Variants in FSHR observed in about 807,000 individuals in gnomAD.
FSHR encodes the protein follicle stimulating hormone receptor, also known as follicle-stimulating hormone receptor.
Under a neutral mutation model 52.1 loss-of-function variants are expected in FSHR, and 46 were observed. That is an observed-to-expected ratio of 0.88 (90% CI 0.70 to 1.13). FSHR has a LOEUF of 1.13. Ranked by LOEUF, FSHR falls within the 50% of genes most tolerant of loss-of-function variation. The pLI is 0.00. For synonymous variants in FSHR, 399 were observed against 309.6 expected (o/e 1.29, Z -3.03); for missense variants, 964 against 834.6 (o/e 1.16, Z -1.91).
At chr2:49,073,649 C>G (rs1337556332) in intron 1 of FSHR, among the ~76,000 whole-genome samples, 1 of 151,826 alleles carries the variant, frequency 6.6e-6, no homozygotes, top group African/African-American at 2.4e-5. Flanking sequence ...CAATGCAATC[C>G]CTATCAAAAT....
chr2:48,986,367 A>C (rs952076571), intron 6 of FSHR, among the ~76,000 whole-genome samples: 1 of 149,146 alleles, frequency 6.7e-6, no homozygotes, highest in Non-Finnish European at 1.5e-5. Flanking sequence ...AGAATACTTC[A>C]ACAGTCATCA....
chr2:49,072,352 A>G (rs1280285398), intron 1 of FSHR, among the ~76,000 whole-genome samples: 1 of 152,144 alleles, frequency 6.6e-6, no homozygotes, highest in Admixed American at 6.6e-5. Flanking sequence ...CAACATGTCA[A>G]ACTCATTGGA....
rs990775179 is a variant in FSHR at position 49,067,200 on chromosome 2, A to G, written c.224+1019T>C. On this transcript the variant is annotated intron_variant, in intron 2 of 9. Coordinates refer to ENST00000406846, the MANE Select transcript of FSHR (RefSeq NM_000145.4). ...AGGTTATGCAGTAATTTTATATTAA[A>G]ACTAGCACTGAAACCAGGATTCTGA... 2.6e-5 allele frequency among the ~76,000 whole-genome samples: 4 copies of G among 152,108 alleles called. No homozygotes were observed. In the East Asian group the frequency reaches 5.8e-4, roughly 22 times the overall value.
chr2:49,093,317 A>C lies in FSHR; in HGVS notation c.153-25027T>G, dbSNP rs375695645. ...TTAAAACGTCCAAATAGAGGTGTAC[A>C]TGTGTCTATTCCTCATTTCAGTTGT... On this transcript the variant is annotated intron_variant, in intron 1 of 9. Transcript: ENST00000406846. Among the ~76,000 whole-genome samples the C allele has an allele frequency of 1.7e-3, 262 of 152,306 alleles. No homozygotes were observed. The Middle Eastern group carries it at 0.02, about 12-fold the overall frequency.
chr2:49,104,342 C>G (rs1671149593), intron 1 of FSHR, among the ~76,000 whole-genome samples: 1 of 152,064 alleles, frequency 6.6e-6, no homozygotes, highest in Non-Finnish European at 1.5e-5. Context: ...ATAGGTGATG[C>G]CACAGAGAGG....
rs189856787 is a variant in FSHR, at chr2:48,978,295, A to C, written c.668+4617T>G. 9.8e-5 allele frequency among the ~76,000 whole-genome samples: 15 copies of C among 152,354 alleles called. No homozygotes were observed. In the East Asian group the frequency reaches 2.9e-3, roughly 29 times the overall value. ...CCAGCAAAGATGTTATTACAGGTCA[A>C]TCATTTCCATAAGTGAGAGCACATT... is the stretch of plus-strand genomic sequence containing the variant. On this transcript the variant is annotated intron_variant, in intron 8 of 9. Transcript: ENST00000406846.
intron 6 of FSHR, among the ~76,000 whole-genome samples, chr2:48,985,227 T>C (rs1675441550): frequency 6.6e-6 from 1 of 152,202 alleles, no homozygotes; most frequent in South Asian, 2.1e-4. Context: ...GAGGCCAGTG[T>C]GCTCACTCAG....
At chr2:49,061,712 ATAAC>A (rs1229351600) in intron 2 of FSHR, among the ~76,000 whole-genome samples, 1 of 141,232 alleles carries the variant, frequency 7.1e-6, no homozygotes, top group East Asian at 2.0e-4. Flanking sequence ...TATATTATAT[ATAAC>A]TATATATAAA....
chr2:49,120,776 T>C (rs1407042719), intron 1 of FSHR, among the ~76,000 whole-genome samples: 1 of 152,244 alleles, frequency 6.6e-6, no homozygotes, highest in African/African-American at 2.4e-5. Context: ...AAAAGTTGTT[T>C]TAAAAGAGCT....
intron 1 of FSHR, among the ~76,000 whole-genome samples, chr2:49,112,964 C>A (rs1284826287): frequency 6.6e-6 from 1 of 152,000 alleles, no homozygotes; most frequent in African/African-American, 2.4e-5. Flanking sequence ...AAAAGAAAAG[C>A]CTCCATGAAT....
chr2:49,100,979 C>A (rs11898430), intron 1 of FSHR, among the ~76,000 whole-genome samples: 69,607 of 151,836 alleles, frequency 0.46, 16,206 homozygotes, highest in East Asian at 0.54. Flanking sequence ...TTTTTAAAAG[C>A]CTAGTGATAA....
At chr2:49,035,888 G>C (rs181972442) in intron 2 of FSHR, among the ~76,000 whole-genome samples, 1 of 152,320 alleles carries the variant, frequency 6.6e-6, no homozygotes, top group Admixed American at 6.5e-5. Flanking sequence ...TAGAGCTGTA[G>C]ATAGGTATTT....
chr2:49,147,829 G>A (rs1181465072), intron 1 of FSHR, among the ~76,000 whole-genome samples: 1 of 151,736 alleles, frequency 6.6e-6, no homozygotes, highest in East Asian at 1.9e-4. Flanking sequence ...CACAAAAGTA[G>A]GTGCAGGATT....
At position 48,963,267 on chromosome 2, in the gene FSHR, C is replaced by A. The variant is rs765311964; in HGVS notation, c.1554G>T (p.Leu518=). 1.2e-6 allele frequency: 2 copies of A among 1,614,152 alleles called. No individual in the cohort carries two copies. Among genetic ancestry groups the A allele is most frequent in the South Asian group, 1.1e-5 (1 of 91,054 alleles). The change falls in exon 10 of 10, where the codon CTG becomes CTT. Residue 518 remains leucine (L), a synonymous_variant. Coordinates refer to ENST00000406846, the MANE Select transcript of FSHR (RefSeq NM_000145.4). ...ACAAAGGGCTGTCAATATCCATGGG[C>A]AGGCAGATGCTCACCTTCATGTAGC... ...ISSYMKVSIC[L]PMDIDSPLSQ... is the part of the protein sequence containing the mutation.
chr2:48,975,478 G>A (rs564814415), intron 8 of FSHR, among the ~76,000 whole-genome samples: 30 of 152,222 alleles, frequency 2.0e-4, no homozygotes, highest in African/African-American at 4.8e-4. Context: ...ACACAGGCAC[G>A]TCAGGCCTCT....
intron 1 of FSHR, among the ~76,000 whole-genome samples, chr2:49,092,196 G>A (rs941068752): frequency 9.2e-5 from 14 of 152,116 alleles, no homozygotes; most frequent in African/African-American, 2.9e-4. Context: ...CAAATAAAAA[G>A]AATTTTTACA....
intron 4 of FSHR, 71 bp downstream of exon 4, chr2:49,017,418 G>A (rs1190621950): frequency 8.6e-7 from 1 of 1,159,022 alleles, no homozygotes; most frequent in Non-Finnish European, 1.3e-6. Context: ...AGAGTATCAA[G>A]TAGGCCTTTT....
Position 48,983,089 on chromosome 2 carries a change from G to T in FSHR, c.593+9C>A. Reference sequence around the variant, plus strand: ...TAAATGGCCTTGAAGAATAGTCAGGGCTACTTACAGCTCATCTAGTTGGGT... The same window carrying T: ...TAAATGGCCTTGAAGAATAGTCAGGTCTACTTACAGCTCATCTAGTTGGGT... On this transcript the variant is annotated intron_variant, in intron 7 of 9. Transcript: ENST00000406846. 1 of 1,613,480 alleles carries T rather than the reference G, an allele frequency of 6.2e-7. No homozygotes were observed.
At chr2:49,054,653 G>C (rs570086441) in intron 2 of FSHR, among the ~76,000 whole-genome samples, 1 of 152,172 alleles carries the variant, frequency 6.6e-6, no homozygotes, top group Admixed American at 6.5e-5. Flanking sequence ...CCAACGCACT[G>C]TGTGCACACA....
Sources: gnomAD v4.1 joint callset for allele counts (sites outside exome capture counted in the v4.1 genomes callset) on GRCh38, gnomAD v4.1.1 for gene constraint, MANE v1.5 for transcripts, NCBI Gene and HGNC (gene_info 2026-07-23, HGNC 2026-07-21) for gene names.